AFG2A: variants seen among roughly 807,000 people sequenced by gnomAD.
AFG2A encodes the protein AAA ATPase AFG2A, also known as ATPase family gene 2 protein homolog A.
At chr4:123,029,662 T>C in the AFG2A span, among the ~76,000 whole-genome samples, 1 of 152,250 alleles carries the variant, frequency 6.6e-6, no homozygotes, top group East Asian at 1.9e-4. Context: ...TTTTGAGACA[T>C]GGTCTCACTC....
At chr4:123,027,962 A>T in the AFG2A span, among the ~76,000 whole-genome samples, 1 of 59,770 alleles carries the variant, frequency 1.7e-5, no homozygotes, top group Non-Finnish European at 3.2e-5. Flanking sequence ...GAGACTTACA[A>T]GCAGAATTTT....
the AFG2A span, among the ~76,000 whole-genome samples, chr4:123,146,514 GTATT>G: frequency 5.9e-5 from 9 of 152,220 alleles, no homozygotes; most frequent in South Asian, 2.1e-4. Context: ...ATCAGGGAAA[GTATT>G]TATGAACTTT....
the AFG2A span, among the ~76,000 whole-genome samples, chr4:123,010,750 C>T: frequency 6.6e-6 from 1 of 152,218 alleles, no homozygotes; most frequent in Admixed American, 6.5e-5. Flanking sequence ...TTGCTTACTT[C>T]TGAGACTTGC....
chr4:123,272,246 T>C, the AFG2A span, among the ~76,000 whole-genome samples: 1 of 152,198 alleles, frequency 6.6e-6, no homozygotes, highest in African/African-American at 2.4e-5. Flanking sequence ...TCTTTGTGTA[T>C]GTATGTATGT....
At chr4:122,984,304 A>G in the AFG2A span, among the ~76,000 whole-genome samples, 3 of 152,110 alleles carry the variant, frequency 2.0e-5, no homozygotes, top group African/African-American at 4.8e-5. Flanking sequence ...TTAGTCTTGT[A>G]TCTGGAAACT....
chr4:122,936,097 C>T, the AFG2A span: 2 of 1,597,144 alleles, frequency 1.3e-6, no homozygotes, highest in South Asian at 1.1e-5. Context: ...TTATTTGTTA[C>T]AGATTCTATG....
chr4:123,156,355 CGT>C, the AFG2A span, among the ~76,000 whole-genome samples: 2 of 152,090 alleles, frequency 1.3e-5, no homozygotes, highest in African/African-American at 2.4e-5. Context: ...ACATTACGTA[CGT>C]AACCCTTCAA....
the AFG2A span, among the ~76,000 whole-genome samples, chr4:123,118,941 G>A: frequency 6.6e-6 from 1 of 151,884 alleles, no homozygotes; most frequent in Non-Finnish European, 1.5e-5. Flanking sequence ...CTGCTCATTG[G>A]AGCTCTGTAA....
At chr4:122,971,068 T>C in the AFG2A span, among the ~76,000 whole-genome samples, 2 of 152,202 alleles carry the variant, frequency 1.3e-5, no homozygotes, top group Non-Finnish European at 2.9e-5. Flanking sequence ...GTAATTTTTT[T>C]TGTATTGACT....
chr4:122,993,241 C>T, the AFG2A span, among the ~76,000 whole-genome samples: 1 of 152,000 alleles, frequency 6.6e-6, no homozygotes, highest in Non-Finnish European at 1.5e-5. Context: ...GATCTACTCT[C>T]TTCAGTCTCC....
chr4:122,940,162 G>A, the AFG2A span, among the ~76,000 whole-genome samples: 10 of 152,040 alleles, frequency 6.6e-5, no homozygotes, highest in African/African-American at 1.7e-4. Flanking sequence ...TGGGATGGCT[G>A]GGTCAAATGG....
the AFG2A span, among the ~76,000 whole-genome samples, chr4:123,063,033 G>A: frequency 6.6e-6 from 1 of 152,186 alleles, no homozygotes; most frequent in Non-Finnish European, 1.5e-5. Flanking sequence ...CTCTCATAAA[G>A]TGACTTTCTG....
the AFG2A span, among the ~76,000 whole-genome samples, chr4:123,130,184 AT>A: frequency 2.2e-3 from 50 of 22,304 alleles, no homozygotes; most frequent in East Asian, 0.28. Context: ...ATATATATAT[AT>A]TTTTTAATTT....
At chr4:123,012,069 GT>G in the AFG2A span, among the ~76,000 whole-genome samples, 1 of 142,028 alleles carries the variant, frequency 7.0e-6, no homozygotes, top group African/African-American at 2.6e-5. Flanking sequence ...GAGAAGGGGT[GT>G]GGGGTGCTTG....
the AFG2A span, among the ~76,000 whole-genome samples, chr4:123,093,942 A>T: frequency 6.6e-6 from 1 of 152,312 alleles, no homozygotes; most frequent in Admixed American, 6.5e-5. Context: ...ACAGCATCAC[A>T]TTATTTATCT....
the AFG2A span, chr4:122,935,888 T>A: frequency 2.0e-5 from 30 of 1,522,274 alleles, no homozygotes; most frequent in South Asian, 3.9e-4. Context: ...TAAATATATT[T>A]CTAAAATGTG....
the AFG2A span, among the ~76,000 whole-genome samples, chr4:123,181,767 A>G: frequency 6.6e-6 from 1 of 152,162 alleles, no homozygotes; most frequent in Non-Finnish European, 1.5e-5. Context: ...GGTAGTTTGT[A>G]TAATTGGTTT....
chr4:123,218,638 C>CATAT, the AFG2A span, among the ~76,000 whole-genome samples: 1 of 116,886 alleles, frequency 8.6e-6, no homozygotes, highest in African/African-American at 3.0e-5. Context: ...TACATAAACA[C>CATAT]ATATACATAC....
the AFG2A span, among the ~76,000 whole-genome samples, chr4:123,152,768 A>G: frequency 1.3e-5 from 2 of 152,198 alleles, no homozygotes; most frequent in African/African-American, 4.8e-5. Context: ...TACCAAAAGG[A>G]GTTGAAAACA....
Sources: gnomAD v4.1 joint callset for allele counts (sites outside exome capture counted in the v4.1 genomes callset) on GRCh38, gnomAD v4.1.1 for gene constraint, MANE v1.5 for transcripts, NCBI Gene and HGNC (gene_info 2026-07-23, HGNC 2026-07-21) for gene names.